The following TSGA10 variants were observed in gnomAD, a reference collection of about 807,000 sequenced individuals.
TSGA10 encodes testis-specific gene 10 protein.
A neutral mutation model predicts 96.6 loss-of-function variants in TSGA10; 43 were observed. That is an observed-to-expected ratio of 0.44 (90% CI 0.35 to 0.57). The LOEUF (loss-of-function observed/expected upper bound fraction) is 0.57. Among genes scored for constraint, TSGA10 ranks in the 20% least tolerant of loss-of-function variants. The pLI, the probability that TSGA10 is intolerant of heterozygous loss-of-function variation, is 0.01. For missense variants in TSGA10, 703 were observed against 834.4 expected, an observed-to-expected ratio of 0.84 and a Z score of 1.94; for synonymous variants, 229 against 269.9, an observed-to-expected ratio of 0.85 and a Z score of 1.48.
rs528222797 is a variant in TSGA10 at position 99,075,774 on chromosome 2, C to T, written c.883-2701G>A. Among the ~76,000 whole-genome samples the T allele has an allele frequency of 2.7e-4, 41 of 152,024 alleles. No homozygotes were observed. In the South Asian group the frequency reaches 6.2e-3, roughly 23 times the overall value. On this transcript the variant is annotated intron_variant, in intron 12 of 20. Transcript: ENST00000393483. ...TTGTGAAGGAAATATAACATTGTTACGGTTCGCAGAATGGAAGAAATGTGA... is the reference window on the plus strand; with the variant it reads ...TTGTGAAGGAAATATAACATTGTTATGGTTCGCAGAATGGAAGAAATGTGA...
chr2:99,051,762 G>C (rs190581946), intron 16 of TSGA10, among the ~76,000 whole-genome samples: 2 of 150,582 alleles, frequency 1.3e-5, no homozygotes, highest in African/African-American at 2.4e-5. Flanking sequence ...TTTTTAAGCT[G>C]TAAAAATATA....
At chr2:99,056,553 T>C (rs2084014593) in intron 16 of TSGA10, among the ~76,000 whole-genome samples, 1 of 152,130 alleles carries the variant, frequency 6.6e-6, no homozygotes, top group Admixed American at 6.5e-5. Context: ...AGAAATTGAT[T>C]AGCAATTTTA....
rs115898075 is a variant in TSGA10, at chr2:99,138,909, G to T, written c.-620-11733C>A. On this transcript the variant is annotated intron_variant, in intron 1 of 20. Transcript: ENST00000393483. ...TTAATTGATGGAGAAAGACAGCTGA[G>T]GTAATAAGAGGAAACCCAGATAAAG... 8.5e-3 allele frequency among the ~76,000 whole-genome samples: 1,301 copies of T among 152,226 alleles called. 19 individuals carry two copies. Among genetic ancestry groups the T allele is most frequent in the African/African-American group, 0.03 (1,227 of 41,558 alleles).
At chr2:99,135,331 C>T (rs776537974) in intron 1 of TSGA10, among the ~76,000 whole-genome samples, 39 of 152,194 alleles carry the variant, frequency 2.6e-4, no homozygotes, top group Non-Finnish European at 1.0e-4. Context: ...CTTAGCCAAG[C>T]TGTGGTGAGC....
chr2:99,153,195 A>C (rs1040372376), intron 1 of TSGA10, among the ~76,000 whole-genome samples: 41 of 152,192 alleles, frequency 2.7e-4, no homozygotes, highest in African/African-American at 9.7e-4. Context: ...ATGAATACTG[A>C]AAAGTCCAGT....
At chr2:99,011,283 C>T (rs1051051757) in intron 20 of TSGA10, among the ~76,000 whole-genome samples, 17 of 152,148 alleles carry the variant, frequency 1.1e-4, no homozygotes, top group African/African-American at 3.9e-4. Context: ...CAGGCATGTG[C>T]CACCCACCTG....
At chr2:99,059,409 C>G (rs1162495090) in intron 16 of TSGA10, among the ~76,000 whole-genome samples, 1 of 150,578 alleles carries the variant, frequency 6.6e-6, no homozygotes, top group Non-Finnish European at 1.5e-5. Context: ...CCGACGTGGG[C>G]AGATCACCTG....
chr2:99,021,562 T>C (rs1400711865), intron 17 of TSGA10, among the ~76,000 whole-genome samples: 1 of 152,216 alleles, frequency 6.6e-6, no homozygotes, highest in Admixed American at 6.5e-5. Flanking sequence ...ATGCTATTAC[T>C]AGTTCAGGGC....
At chr2:99,067,673 C>T (rs919583813) in intron 15 of TSGA10, among the ~76,000 whole-genome samples, 19 of 151,834 alleles carry the variant, frequency 1.3e-4, no homozygotes, top group African/African-American at 2.9e-4. Flanking sequence ...GCTAACATGG[C>T]GAAACCCCGT....
At chr2:99,050,903 T>G (rs1008197574) in intron 16 of TSGA10, among the ~76,000 whole-genome samples, 1 of 152,184 alleles carries the variant, frequency 6.6e-6, no homozygotes, top group African/African-American at 2.4e-5. Context: ...TTACTGTGCC[T>G]TTTCTATATT....
intron 18 of TSGA10, among the ~76,000 whole-genome samples, chr2:99,019,401 G>T (rs1429697343): frequency 2.0e-5 from 3 of 152,212 alleles, no homozygotes; most frequent in Non-Finnish European, 4.4e-5. Context: ...TCCTGAGAAA[G>T]TGATCCTGCA....
chr2:99,035,265 G>A lies in TSGA10; in HGVS notation c.1579C>T (p.Arg527Ter). Residue 527 changes from arginine (R) to a stop codon, truncating the protein, a stop_gained, in exon 17 of 21, where the codon CGA becomes TGA. Coordinates refer to ENST00000393483, the MANE Select transcript of TSGA10 (RefSeq NM_025244.4). LOFTEE classifies it high-confidence loss of function. ...KLDSSKELLNRQLVAKDQEIE... is the reference protein window; with the variant it reads ...KLDSSKELLN ...TCTTGATCTTTAGCAACCAGCTGTC[G>A]ATTAAGAAGTTCTTTGCTTGAGTCA... The A allele has an allele frequency of 6.2e-7, 1 of 1,610,798 alleles. No individual in the cohort carries two copies. The highest frequency in any genetic ancestry group is 8.5e-7 in the Non-Finnish European group (1 of 1,178,280).
At chr2:99,043,990 T>C (rs934180300) in intron 16 of TSGA10, among the ~76,000 whole-genome samples, 2 of 152,178 alleles carry the variant, frequency 1.3e-5, no homozygotes, top group African/African-American at 4.8e-5. Flanking sequence ...TGGGACATTT[T>C]GTTACCACCA....
At chr2:99,089,000 C>T (rs776361089) in intron 10 of TSGA10, among the ~76,000 whole-genome samples, 2 of 152,070 alleles carry the variant, frequency 1.3e-5, no homozygotes, top group Non-Finnish European at 2.9e-5. Context: ...CTAGGAAAGC[C>T]GAGAGAATCC....
chr2:99,050,518 A>G (rs571498278), intron 16 of TSGA10, among the ~76,000 whole-genome samples: 17 of 152,306 alleles, frequency 1.1e-4, no homozygotes, highest in African/African-American at 4.1e-4. Flanking sequence ...TATGTATAAC[A>G]GTAATAGAAA....
At chr2:99,067,618 C>T (rs1021650893) in intron 15 of TSGA10, among the ~76,000 whole-genome samples, 4 of 151,988 alleles carry the variant, frequency 2.6e-5, no homozygotes, top group African/African-American at 2.4e-5. Context: ...TTTGGGAGGC[C>T]GAGACAGGTG....
At chr2:99,048,242 C>A (rs1385456293) in intron 16 of TSGA10, among the ~76,000 whole-genome samples, 2 of 151,966 alleles carry the variant, frequency 1.3e-5, no homozygotes, top group East Asian at 3.9e-4. Context: ...CATATAGAAC[C>A]AAAAAAGAGC....
At chr2:99,140,441 G>T (rs905452539) in intron 1 of TSGA10, among the ~76,000 whole-genome samples, 1 of 151,352 alleles carries the variant, frequency 6.6e-6, no homozygotes, top group African/African-American at 2.4e-5. Context: ...GAAGGAAAAC[G>T]TTGGGACACT....
intron 1 of TSGA10, chr2:99,141,012 G>A: frequency 8.8e-7 from 1 of 1,139,070 alleles, no homozygotes; most frequent in Non-Finnish European, 1.1e-6. Flanking sequence ...CCCGCTTGCA[G>A]CCGCCTTCTC....
Sources: allele counts gnomAD v4.1 joint callset (sites outside exome capture counted in the v4.1 genomes callset), GRCh38; gene constraint gnomAD v4.1.1; transcripts MANE v1.5; gene names NCBI Gene and HGNC (gene_info 2026-07-23, HGNC 2026-07-21).